Variants in EML1 observed in about 807,000 individuals in gnomAD.
EML1 encodes EMAP like 1, also known as echinoderm microtubule-associated protein-like 1.
A neutral mutation model predicts 110.4 loss-of-function variants in EML1; 27 were observed. That is an observed-to-expected ratio of 0.24 (90% CI 0.18 to 0.34). The LOEUF is 0.34. EML1 is among the 10% of genes least tolerant of loss of function. EML1 has a pLI of 1.00. For missense variants in EML1, 741 were observed against 1,030.9 expected, an observed-to-expected ratio of 0.72 and a Z score of 3.85; for synonymous variants, 344 against 385.8, an observed-to-expected ratio of 0.89 and a Z score of 1.27.
chr14:99,817,163 G>A (rs576124343), intron 1 of EML1, among the ~76,000 whole-genome samples: 11 of 152,040 alleles, frequency 7.2e-5, no homozygotes, highest in African/African-American at 1.9e-4. Flanking sequence ...CTGGAGTGAC[G>A]GGCTTACTAC....
At chr14:99,833,070 G>A (rs2058486133) in intron 1 of EML1, among the ~76,000 whole-genome samples, 1 of 152,120 alleles carries the variant, frequency 6.6e-6, no homozygotes, top group Non-Finnish European at 1.5e-5. Flanking sequence ...ATATCTACAA[G>A]ATCTTTGCCT....
At chr14:99,771,874 G>C (rs2057431682), upstream of EML1, among the ~76,000 whole-genome samples, 1 of 152,124 alleles carries the variant, frequency 6.6e-6, no homozygotes, top group South Asian at 2.1e-4. Context: ...CTGCCAGTTG[G>C]TTCCTTTTCA....
At chr14:99,851,131 A>T in intron 2 of EML1, 96 bp downstream of exon 2, 1 of 1,315,796 alleles carries the variant, frequency 7.6e-7, no homozygotes, top group South Asian at 1.5e-5. Context: ...ATTGACAGAG[A>T]ATCGAAACTT....
At chr14:99,887,141 C>T (rs2059491168) in intron 4 of EML1, among the ~76,000 whole-genome samples, 1 of 152,202 alleles carries the variant, frequency 6.6e-6, no homozygotes, top group South Asian at 2.1e-4. Flanking sequence ...GCCATCTCCC[C>T]ATACAGCTGC....
intron 1 of EML1, among the ~76,000 whole-genome samples, chr14:99,847,303 G>A (rs1378468351): frequency 6.6e-6 from 1 of 152,160 alleles, no homozygotes; most frequent in Non-Finnish European, 1.5e-5. Context: ...TATCAGTTAA[G>A]TCAACACGGT....
intron 16 of EML1, among the ~76,000 whole-genome samples, chr14:99,918,995 C>CT (rs1274823805): frequency 5.3e-5 from 8 of 152,134 alleles, no homozygotes; most frequent in Admixed American, 3.9e-4. Context: ...GCAGCAGTGT[C>CT]TTTGAGCCGG....
chr14:99,861,058 A>G (rs2139866677), intron 2 of EML1, among the ~76,000 whole-genome samples: 1 of 152,346 alleles, frequency 6.6e-6, no homozygotes, highest in South Asian at 2.1e-4. Flanking sequence ...TGAAATTATC[A>G]CTCAAGAAAG....
intron 1 of EML1, among the ~76,000 whole-genome samples, chr14:99,777,022 T>C (rs1189340261): frequency 6.6e-6 from 1 of 152,156 alleles, no homozygotes; most frequent in African/African-American, 2.4e-5. Flanking sequence ...CCTTGAAGTT[T>C]TTCTTATTAA....
At chr14:99,803,240 C>T (rs1397251491) in intron 1 of EML1, among the ~76,000 whole-genome samples, 3 of 152,194 alleles carry the variant, frequency 2.0e-5, no homozygotes, top group Admixed American at 6.5e-5. Context: ...ACGCACCAGG[C>T]GCCACCAGGC....
At chr14:99,799,494 C>T (rs2057835364) in intron 1 of EML1, among the ~76,000 whole-genome samples, 1 of 152,166 alleles carries the variant, frequency 6.6e-6, no homozygotes, top group East Asian at 1.9e-4. Context: ...TGACAGAAGA[C>T]TGACTGAGGC....
At chr14:99,858,475 G>A (rs908282856) in intron 2 of EML1, among the ~76,000 whole-genome samples, 2 of 151,970 alleles carry the variant, frequency 1.3e-5, no homozygotes, top group African/African-American at 4.8e-5. Flanking sequence ...GTGAGCCACC[G>A]CACCCAGCCT....
At chr14:99,782,805 C>A (rs1366459829) in intron 1 of EML1, among the ~76,000 whole-genome samples, 1 of 152,146 alleles carries the variant, frequency 6.6e-6, no homozygotes, top group Non-Finnish European at 1.5e-5. Flanking sequence ...GGGGAGTAGG[C>A]AAGCCTCAGT....
At chr14:99,802,429 T>G in intron 1 of EML1, among the ~76,000 whole-genome samples, 1 of 149,024 alleles carries the variant, frequency 6.7e-6, no homozygotes, top group African/African-American at 2.5e-5. Flanking sequence ...AGGGTGGAGG[T>G]AGGAGGGTAG....
At chr14:99,843,459 A>G (rs28538771) in intron 1 of EML1, among the ~76,000 whole-genome samples, 14,132 of 152,184 alleles carry the variant, frequency 0.093, 2,210 homozygotes, top group African/African-American at 0.32. Flanking sequence ...ATTACAGCTT[A>G]TATTTATTTA....
intron 1 of EML1, among the ~76,000 whole-genome samples, chr14:99,815,854 G>A (rs1208236702): frequency 2.0e-5 from 3 of 152,158 alleles, no homozygotes; most frequent in African/African-American, 4.8e-5. Context: ...TACGAGATGA[G>A]CATCTTGTGT....
intron 1 of EML1, among the ~76,000 whole-genome samples, chr14:99,757,066 A>T (rs1223777362): frequency 6.6e-6 from 1 of 152,234 alleles, no homozygotes; most frequent in Non-Finnish European, 1.5e-5. Context: ...AAGGCTGGGC[A>T]TGGCGGCTCA....
chr14:99,886,952 A>T (rs2059487211), intron 4 of EML1, among the ~76,000 whole-genome samples: 2 of 152,224 alleles, frequency 1.3e-5, no homozygotes, highest in Admixed American at 6.5e-5. Context: ...GTCCACAGTG[A>T]ACACATTCAG....
At chr14:99,895,915 G>T (rs904556175) in intron 6 of EML1, among the ~76,000 whole-genome samples, 1 of 151,874 alleles carries the variant, frequency 6.6e-6, no homozygotes, top group Non-Finnish European at 1.5e-5. Context: ...AATCAAAAAG[G>T]CTCCCCAAAA....
At chr14:99,839,622 C>G (rs1353339155) in intron 1 of EML1, among the ~76,000 whole-genome samples, 1 of 152,146 alleles carries the variant, frequency 6.6e-6, no homozygotes, top group Non-Finnish European at 1.5e-5. Flanking sequence ...CCATTTCTTT[C>G]CAGATTCAAG....
Sources: allele counts gnomAD v4.1 joint callset (sites outside exome capture counted in the v4.1 genomes callset), GRCh38; gene constraint gnomAD v4.1.1; transcripts MANE v1.5; gene names NCBI Gene and HGNC (gene_info 2026-07-23, HGNC 2026-07-21).